OPCML: variants seen among roughly 807,000 people sequenced by gnomAD.
OPCML encodes the protein opioid-binding protein/cell adhesion molecule.
In OPCML, 13 loss-of-function variants were observed where a neutral mutation model predicts 37.8. The observed-to-expected ratio is 0.34, with a 90% CI of 0.22 to 0.55. OPCML has a LOEUF of 0.55. Among genes scored for constraint, OPCML ranks in the 20% least tolerant of loss-of-function variants. OPCML has a pLI of 0.91. For synonymous variants in OPCML, 176 were observed against 168.8 expected (o/e 1.04, Z -0.33); for missense variants, 341 against 435.6 (o/e 0.78, Z 1.93).
chr11:133,327,338 G>A (rs1943498533), intron 1 of OPCML, among the ~76,000 whole-genome samples: 1 of 151,932 alleles, frequency 6.6e-6, no homozygotes, highest in Non-Finnish European at 1.5e-5. Flanking sequence ...TTTGGCACCA[G>A]GTTTTTGTGC....
intron 1 of OPCML, among the ~76,000 whole-genome samples, chr11:133,100,620 T>C (rs965478185): frequency 1.3e-5 from 2 of 152,030 alleles, no homozygotes; most frequent in Non-Finnish European, 2.9e-5. Context: ...AACAGACAAA[T>C]AGATCAATAG....
chr11:133,212,793 C>A lies in OPCML; in HGVS notation c.62-269783G>T, dbSNP rs1188229315. ...AGCTTTCAGACCCCTTGGGACCCAA[C>A]CTGGCCCCCTAGCTGTTGAGAGGTA... On this transcript the variant is annotated intron_variant, in intron 1 of 7. Transcript: ENST00000524381. This position sits in a 1 kb window ranked among gnomAD's most constrained non-coding sequence, Gnocchi z 4.9. Among the ~76,000 whole-genome samples the A allele has an allele frequency of 1.3e-5, 2 of 152,200 alleles. No individual in the cohort carries two copies. Among genetic ancestry groups the A allele is most frequent in the Non-Finnish European group, 2.9e-5 (2 of 68,038 alleles).
intron 1 of OPCML, among the ~76,000 whole-genome samples, chr11:133,378,435 C>T (rs1944861557): frequency 6.6e-6 from 1 of 152,136 alleles, no homozygotes; most frequent in Admixed American, 6.5e-5. Context: ...CTACTTTTCT[C>T]TCATAGCATA....
At chr11:132,631,352 C>CATACATATATAT (rs887100264) in intron 3 of OPCML, among the ~76,000 whole-genome samples, 1 of 142,756 alleles carries the variant, frequency 7.0e-6, no homozygotes, top group Admixed American at 7.1e-5. Context: ...ACCATATATA[C>CATACATATATAT]ATATATATAT....
intron 1 of OPCML, among the ~76,000 whole-genome samples, chr11:133,338,957 C>T (rs947837246): frequency 2.0e-5 from 3 of 152,168 alleles, no homozygotes; most frequent in Non-Finnish European, 4.4e-5. Context: ...CATCCCTGTT[C>T]CTGTTGTCCC....
Position 132,743,306 on chromosome 11 carries a change from G to A in OPCML, c.147-85987C>T, listed in dbSNP as rs146920966. Among the ~76,000 whole-genome samples the A allele has an allele frequency of 2.1e-3, 316 of 152,100 alleles. 1 individual carries two copies. The highest frequency in any genetic ancestry group is 3.6e-3 in the Non-Finnish European group (242 of 67,996). On this transcript the variant is annotated intron_variant, in intron 2 of 7. Transcript: ENST00000524381. ...TTCAAAAGGAAGTAGACTGCACACC[G>A]CATACCAGCTCTACTAGATTAGCAC...
At chr11:132,475,860 A>C (rs1460576770) in intron 4 of OPCML, among the ~76,000 whole-genome samples, 1 of 152,216 alleles carries the variant, frequency 6.6e-6, no homozygotes, top group African/African-American at 2.4e-5. Context: ...TTACATATGA[A>C]CAGGTATATA....
chr11:133,204,677 A>G (rs997268057), intron 1 of OPCML, among the ~76,000 whole-genome samples: 12 of 151,948 alleles, frequency 7.9e-5, no homozygotes, highest in African/African-American at 2.7e-4. Flanking sequence ...AAAGAGCAAA[A>G]GCAATCTTAG....
At chr11:132,529,762 C>T (rs1316439682) in intron 3 of OPCML, among the ~76,000 whole-genome samples, 1 of 152,190 alleles carries the variant, frequency 6.6e-6, no homozygotes, top group Non-Finnish European at 1.5e-5. Flanking sequence ...AAGACACATC[C>T]TTTAAAACTC....
At chr11:133,314,557 GAAA>G (rs58045536) in intron 1 of OPCML, among the ~76,000 whole-genome samples, 7 of 140,976 alleles carry the variant, frequency 5.0e-5, no homozygotes, top group Admixed American at 1.4e-4. Flanking sequence ...TCCATAATAA[GAAA>G]AAAAAAAAAA....
intron 2 of OPCML, among the ~76,000 whole-genome samples, chr11:132,840,109 G>A (rs2136300049): frequency 1.3e-5 from 2 of 152,230 alleles, no homozygotes; most frequent in South Asian, 4.1e-4. Flanking sequence ...GAGAACAGGG[G>A]CCACAGCAGC....
intron 2 of OPCML, among the ~76,000 whole-genome samples, chr11:132,794,669 C>T (rs966537163): frequency 3.3e-5 from 5 of 152,114 alleles, no homozygotes; most frequent in African/African-American, 1.2e-4. Flanking sequence ...CTTCCCAGAA[C>T]CCCTGCAAAT....
intron 1 of OPCML, among the ~76,000 whole-genome samples, chr11:133,020,816 T>G (rs1947436961): frequency 6.6e-6 from 1 of 152,234 alleles, no homozygotes; most frequent in Non-Finnish European, 1.5e-5. Flanking sequence ...TTTAGTTTGG[T>G]ACACGCCAAT....
chr11:133,223,925 C>T (rs1385215152), intron 1 of OPCML, among the ~76,000 whole-genome samples: 1 of 152,242 alleles, frequency 6.6e-6, no homozygotes, highest in South Asian at 2.1e-4. Context: ...ACACCACCAA[C>T]GTGGCCAGTA....
At chr11:132,982,000 G>A (rs1272430268) in intron 1 of OPCML, among the ~76,000 whole-genome samples, 2 of 152,144 alleles carry the variant, frequency 1.3e-5, no homozygotes, top group East Asian at 3.9e-4. Flanking sequence ...AGGCCTTTGG[G>A]TTCTAAACCC....
chr11:133,045,970 T>C lies in OPCML; in HGVS notation c.62-102960A>G, dbSNP rs116881978. On this transcript the variant is annotated intron_variant, in intron 1 of 7. Coordinates refer to ENST00000524381, the MANE Select transcript of OPCML (RefSeq NM_001012393.5). ...AGTCAGTAGGAGTTACTGCTTAGCA[T>C]GTGAAGCTACAAGATGCTCACCGGC... 3.8e-3 allele frequency among the ~76,000 whole-genome samples: 573 copies of C among 152,316 alleles called. 2 individuals are homozygous for C. The highest frequency in any genetic ancestry group is 5.7e-3 in the Non-Finnish European group (385 of 68,030).
chr11:132,914,111 T>G (rs1944525727), intron 2 of OPCML, among the ~76,000 whole-genome samples: 1 of 152,132 alleles, frequency 6.6e-6, no homozygotes, highest in African/African-American at 2.4e-5. Context: ...TGCGAGGAGG[T>G]AAGAGGGACA....
chr11:133,013,755 T>C (rs1283736686), intron 1 of OPCML, among the ~76,000 whole-genome samples: 1 of 152,178 alleles, frequency 6.6e-6, no homozygotes, highest in African/African-American at 2.4e-5. Flanking sequence ...GTGGGATTTA[T>C]TTGTACCTGC....
At chr11:133,419,360 A>G in intron 1 of OPCML, 1 of 985,258 alleles carries the variant, frequency 1.0e-6, no homozygotes, top group Non-Finnish European at 1.2e-6. Flanking sequence ...GATGTGCTGG[A>G]GTCAGCTTCT....
Sources: gnomAD v4.1 joint callset for allele counts (sites outside exome capture counted in the v4.1 genomes callset) on GRCh38, gnomAD v4.1.1 for gene constraint, Gnocchi (gnomAD v3.1) non-coding constraint, MANE v1.5 for transcripts, NCBI Gene and HGNC (gene_info 2026-07-23, HGNC 2026-07-21) for gene names.